NRXN1: variants seen among roughly 807,000 people sequenced by gnomAD.
NRXN1 encodes neurexin-1.
In NRXN1, 39 loss-of-function variants were observed where a neutral mutation model predicts 150.9. The observed-to-expected ratio is 0.26, with a 90% CI of 0.20 to 0.34. NRXN1 has a LOEUF of 0.34. Among genes scored for constraint, NRXN1 ranks in the 10% least tolerant of loss-of-function variants. NRXN1 has a pLI of 1.00. For synonymous variants in NRXN1, 924 were observed against 757.0 expected, an observed-to-expected ratio of 1.22 and a Z score of -3.62; for missense variants, 1,815 against 1,949.9, an observed-to-expected ratio of 0.93 and a Z score of 1.30.
At chr2:50,516,871 G>A (rs1484309354) in intron 12 of NRXN1, among the ~76,000 whole-genome samples, 1 of 152,052 alleles carries the variant, frequency 6.6e-6, no homozygotes, top group Non-Finnish European at 1.5e-5. Context: ...ATGATATAAA[G>A]TCAGACATTC....
intron 18 of NRXN1, among the ~76,000 whole-genome samples, chr2:50,177,251 C>T (rs1416199055): frequency 6.6e-6 from 1 of 152,102 alleles, no homozygotes; most frequent in East Asian, 1.9e-4. Context: ...TCTCATTCCC[C>T]TCCCACCATC....
At chr2:50,281,148 CAAA>C (rs70946898) in intron 17 of NRXN1, among the ~76,000 whole-genome samples, 7,609 of 107,086 alleles carry the variant, frequency 0.071, 284 homozygotes, top group Non-Finnish European at 0.099. Flanking sequence ...ACTAAAAATA[CAAA>C]AAAAAAAAAA....
At chr2:50,477,633 T>G (rs1455475707) in intron 15 of NRXN1, among the ~76,000 whole-genome samples, 1 of 152,222 alleles carries the variant, frequency 6.6e-6, no homozygotes, top group Admixed American at 6.5e-5. Context: ...TTTATTCACA[T>G]GTACTTTTTT....
At chr2:50,070,026 A>G (rs1018975563) in intron 19 of NRXN1, among the ~76,000 whole-genome samples, 1 of 151,644 alleles carries the variant, frequency 6.6e-6, no homozygotes, top group Non-Finnish European at 1.5e-5. Flanking sequence ...AATTTTTTGT[A>G]TTTTTAGTAG....
At chr2:50,322,408 T>C (rs553105167) in intron 17 of NRXN1, among the ~76,000 whole-genome samples, 1 of 152,332 alleles carries the variant, frequency 6.6e-6, no homozygotes, top group African/African-American at 2.4e-5. Flanking sequence ...TACAGTAAAA[T>C]GTGTGTAATA....
intron 17 of NRXN1, among the ~76,000 whole-genome samples, chr2:50,425,272 T>C (rs2084387767): frequency 6.6e-6 from 1 of 152,216 alleles, no homozygotes; most frequent in Non-Finnish European, 1.5e-5. Flanking sequence ...GAACAAGCTC[T>C]GTTTTGTTGC....
chr2:50,829,999 G>GGAAAAAAAAAAAAAAAAAA (rs1425873902), intron 5 of NRXN1, among the ~76,000 whole-genome samples: 2 of 58,206 alleles, frequency 3.4e-5, no homozygotes, highest in East Asian at 7.6e-4. Context: ...CTGCCTGCTG[G>GGAAAAAAAAAAAAAAAAAA]AAAAAAAAAA....
At chr2:50,590,702 A>C (rs1391898362) in intron 8 of NRXN1, among the ~76,000 whole-genome samples, 2 of 152,142 alleles carry the variant, frequency 1.3e-5, no homozygotes, top group African/African-American at 4.8e-5. Flanking sequence ...TACTTCTGCT[A>C]TGTGAGGATA....
At chr2:50,829,850 T>G (rs532971708) in intron 5 of NRXN1, among the ~76,000 whole-genome samples, 1 of 152,060 alleles carries the variant, frequency 6.6e-6, no homozygotes, top group Non-Finnish European at 1.5e-5. Flanking sequence ...GATTATTTTA[T>G]TTTTTTAGAA....
At chr2:50,499,688 C>T (rs1256224096) in intron 13 of NRXN1, among the ~76,000 whole-genome samples, 3 of 152,038 alleles carry the variant, frequency 2.0e-5, no homozygotes, top group African/African-American at 7.2e-5. Context: ...TGGCTCACGC[C>T]TGTAATCCCA....
chr2:50,246,054 T>C (rs2066469619), intron 17 of NRXN1, among the ~76,000 whole-genome samples: 1 of 152,002 alleles, frequency 6.6e-6, no homozygotes, highest in South Asian at 2.1e-4. Context: ...CTAGTCTGAT[T>C]TGGGGAAAGT....
chr2:50,709,660 G>A (rs1010266400), intron 5 of NRXN1, among the ~76,000 whole-genome samples: 11 of 152,130 alleles, frequency 7.2e-5, no homozygotes, highest in Non-Finnish European at 1.3e-4. Context: ...GAAAATACCC[G>A]AAATCTGCTT....
intron 2 of NRXN1, among the ~76,000 whole-genome samples, chr2:50,993,887 C>T (rs1402194044): frequency 6.6e-6 from 1 of 151,958 alleles, no homozygotes; most frequent in Non-Finnish European, 1.5e-5. Context: ...GAGCACTTTG[C>T]AAATTTATGT....
intron 21 of NRXN1, among the ~76,000 whole-genome samples, chr2:49,994,441 A>G (rs1424154073): frequency 6.6e-6 from 1 of 152,222 alleles, no homozygotes; most frequent in Non-Finnish European, 1.5e-5. Context: ...TTTAATTCAC[A>G]GATAATACGA....
rs529519901 is a variant in NRXN1, at chr2:50,260,764, G to T, written c.3365-23794C>A. ...GCAGTGTTAATCCAAGATGTATGAA[G>T]AACTAAACCATAGCAGCTTAAGCCA... On this transcript the variant is annotated intron_variant, in intron 17 of 22. Transcript: ENST00000401669. Among the ~76,000 whole-genome samples the T allele has an allele frequency of 1.8e-4, 27 of 150,540 alleles. No individual in the cohort carries two copies. In the South Asian group the frequency reaches 5.6e-3, roughly 31 times the overall value.
chr2:50,127,434 T>G (rs1039371359), intron 18 of NRXN1, among the ~76,000 whole-genome samples: 49 of 152,142 alleles, frequency 3.2e-4, no homozygotes, highest in African/African-American at 1.1e-3. Flanking sequence ...TCACTTGAAA[T>G]AGAATTGTGA....
rs749658817 is a variant in NRXN1 at position 50,022,273 on chromosome 2, C to T, written c.4128+30998G>A. On this transcript the variant is annotated intron_variant, in intron 21 of 22. Coordinates refer to ENST00000401669, the MANE Select transcript of NRXN1 (RefSeq NM_001330078.2). ...CTGGGATTACAGGCATGAGCCACTG[C>T]GCCCGGCTACAGGCAATTTTTTAAA... Among the ~76,000 whole-genome samples, 25 of 152,308 alleles carry T rather than the reference C, an allele frequency of 1.6e-4. 1 individual carries two copies. The highest frequency in any genetic ancestry group is 5.9e-4 in the Admixed American group (9 of 15,304).
chr2:50,496,657 C>T (rs953443424), intron 14 of NRXN1, among the ~76,000 whole-genome samples: 4 of 152,040 alleles, frequency 2.6e-5, no homozygotes, highest in Non-Finnish European at 4.4e-5. Flanking sequence ...ATCTACAAAC[C>T]CTAGGATTGT....
chr2:50,899,035 A>C (rs901639941), intron 5 of NRXN1, among the ~76,000 whole-genome samples: 17 of 152,180 alleles, frequency 1.1e-4, no homozygotes, highest in Non-Finnish European at 2.2e-4. Context: ...AGCTTGAAAA[A>C]GAAGATGATG....
Sources: gnomAD v4.1 joint callset for allele counts (sites outside exome capture counted in the v4.1 genomes callset) on GRCh38, gnomAD v4.1.1 for gene constraint, MANE v1.5 for transcripts, NCBI Gene and HGNC (gene_info 2026-07-23, HGNC 2026-07-21) for gene names.